Variants in TLL1 observed in about 807,000 individuals in gnomAD.
The protein encoded by TLL1 is tolloid-like protein 1.
TLL1 carries 49 observed loss-of-function variants against 128.2 expected under a neutral mutation model. That is an observed-to-expected ratio of 0.38 (90% CI 0.30 to 0.48). The LOEUF (loss-of-function observed/expected upper bound fraction) is 0.48. TLL1 is among the 20% of genes least tolerant of loss of function. The probability of loss-of-function intolerance (pLI) is 0.96; values close to 1 mark genes in which losing one functional copy is unlikely to be tolerated. For synonymous variants in TLL1, 454 were observed against 418.8 expected (o/e 1.08, Z -1.03); for missense variants, 1,123 against 1,242.0 (o/e 0.90, Z 1.44).
chr4:165,930,955 C>T (rs1579502031), intron 1 of TLL1, among the ~76,000 whole-genome samples: 1 of 152,120 alleles, frequency 6.6e-6, no homozygotes, highest in Admixed American at 6.5e-5. Context: ...ATAACAATAA[C>T]AATAGCAAAT....
intron 12 of TLL1, among the ~76,000 whole-genome samples, chr4:166,048,147 A>T (rs1739543353): frequency 6.6e-6 from 1 of 151,606 alleles, no homozygotes; most frequent in Non-Finnish European, 1.5e-5. Flanking sequence ...GAGGCAGGAG[A>T]ATCGCTTGAA....
intron 1 of TLL1, among the ~76,000 whole-genome samples, chr4:165,909,875 T>C (rs1002302564): frequency 3.0e-4 from 45 of 152,164 alleles, no homozygotes; most frequent in African/African-American, 9.9e-4. Context: ...GTGAGAGGGT[T>C]ACATGTAGTT....
In TLL1 at chr4:166,008,094, C is replaced by T. The variant is rs773856449; in HGVS notation, c.917+46C>T. 8.7e-6 allele frequency: 12 copies of T among 1,378,030 alleles called. No individual in the cohort carries two copies. The East Asian group carries it at 2.3e-4, about 27-fold the overall frequency. The allele number at this position is 1,378,030 out of a possible 1,614,324, so 85.4% of individuals were successfully genotyped here. A position where few individuals can be genotyped will look rare whatever the true frequency, so the allele number is the denominator to read the frequency against. On this transcript the variant is annotated intron_variant, in intron 7 of 20. Coordinates refer to ENST00000061240, the MANE Select transcript of TLL1 (RefSeq NM_012464.5). ...CTTTTGACTTTTAATTCCTTTCCTC[C>T]ATGTGGCTCCTCACAAAGCTATGCC...
intron 1 of TLL1, among the ~76,000 whole-genome samples, chr4:165,888,989 C>T (rs1731278107): frequency 6.6e-6 from 1 of 152,182 alleles, no homozygotes; most frequent in Non-Finnish European, 1.5e-5. Flanking sequence ...CTCTGCTTAT[C>T]TCTCTGGATT....
Position 166,065,743 on chromosome 4 carries a change from G to T in TLL1, c.2068G>T (p.Gly690Cys). Residue 690 changes from glycine to cysteine, a missense_variant, in exon 16 of 21, where the codon GGC becomes TGC. Gly to Cys is a radical substitution (Grantham distance 159). This residue lies in a region of TLL1 where 634 missense variants were observed against 672.4 expected (regional missense o/e 0.94). Coordinates refer to ENST00000061240, the MANE Select transcript of TLL1 (RefSeq NM_012464.5). ...SGLSSESKLH[G>C]KFCGAEVPEV... Reference sequence around the variant, plus strand: ...TCTTTCCTCTGAGTCTAAACTGCATGGCAAATTCTGTGGCGCTGAAGTGCC... The same window carrying T: ...TCTTTCCTCTGAGTCTAAACTGCATTGCAAATTCTGTGGCGCTGAAGTGCC... 2 of 1,613,044 alleles carry T rather than the reference G, an allele frequency of 1.2e-6. No individual in the cohort carries two copies. The highest frequency in any genetic ancestry group is 4.5e-5 in the East Asian group (2 of 44,804).
At chr4:166,003,037 C>T (rs1157394000) in intron 5 of TLL1, among the ~76,000 whole-genome samples, 1 of 152,110 alleles carries the variant, frequency 6.6e-6, no homozygotes, top group Admixed American at 6.5e-5. Flanking sequence ...TTGATGGCTT[C>T]AGCTTAACTA....
At position 165,994,362 on chromosome 4, in the gene TLL1, G is replaced by A. The variant is rs1189346083; in HGVS notation, c.362-19G>A. On this transcript the variant is annotated intron_variant, in intron 3 of 20. Transcript: ENST00000061240. ...ACCAAGAACTTCTGTTTCACAGAAT[G>A]TTTTAAATGTCACTGCAGGCTTGGA... 2 of 1,613,878 alleles carry A rather than the reference G, an allele frequency of 1.2e-6. No individual in the cohort carries two copies. The highest frequency in any genetic ancestry group is 1.7e-6 in the Non-Finnish European group (2 of 1,179,834).
chr4:166,008,257 A>T (rs897593425), intron 7 of TLL1, among the ~76,000 whole-genome samples: 1 of 151,598 alleles, frequency 6.6e-6, no homozygotes, highest in African/African-American at 2.4e-5. Flanking sequence ...TCTACCAAAT[A>T]TATGAATTTA....
At chr4:165,911,903 T>C (rs1027123311) in intron 1 of TLL1, among the ~76,000 whole-genome samples, 10 of 152,050 alleles carry the variant, frequency 6.6e-5, no homozygotes, top group African/African-American at 2.4e-4. Flanking sequence ...TGAGACAGAG[T>C]CTCGCTCTGT....
rs567402402 is a variant in TLL1 at position 165,969,020 on chromosome 4, G to A, written c.170-20361G>A. Among the ~76,000 whole-genome samples, 51 of 152,250 alleles carry A rather than the reference G, an allele frequency of 3.3e-4. 3 individuals are homozygous for A. In the South Asian group the frequency reaches 8.9e-3, roughly 27 times the overall value. On this transcript the variant is annotated intron_variant, in intron 1 of 20. Transcript: ENST00000061240. ...TGAATTTCACATTGAGATGCTTTGC[G>A]TTTAGCAAAACCCAAAACGTATTTT... is the stretch of plus-strand genomic sequence containing the variant.
At chr4:165,949,785 T>C (rs1734423351) in intron 1 of TLL1, among the ~76,000 whole-genome samples, 1 of 152,060 alleles carries the variant, frequency 6.6e-6, no homozygotes, top group African/African-American at 2.4e-5. Flanking sequence ...TCCCACCGGG[T>C]CCCTCCCACA....
intron 9 of TLL1, among the ~76,000 whole-genome samples, chr4:166,028,186 G>GT (rs1738595403): frequency 1.3e-5 from 2 of 151,958 alleles, no homozygotes; most frequent in African/African-American, 4.8e-5. Flanking sequence ...ACTGAAGGCT[G>GT]TAATTTTCCC....
intron 1 of TLL1, among the ~76,000 whole-genome samples, chr4:165,985,314 G>GT (rs1223021132): frequency 2.0e-5 from 3 of 151,968 alleles, no homozygotes; most frequent in African/African-American, 7.2e-5. Flanking sequence ...TTTCTTGTCA[G>GT]TGTGCTCTCG....
At chr4:165,896,479 C>CTTTTTTTTTTTTT (rs70955648) in intron 1 of TLL1, among the ~76,000 whole-genome samples, 2 of 102,162 alleles carry the variant, frequency 2.0e-5, no homozygotes, top group African/African-American at 3.6e-5. Context: ...AATGGTATTT[C>CTTTTTTTTTTTTT]TTTTTTTTTT....
intron 12 of TLL1, among the ~76,000 whole-genome samples, chr4:166,047,356 G>T (rs1015650065): frequency 6.6e-6 from 1 of 151,386 alleles, no homozygotes; most frequent in African/African-American, 2.4e-5. Context: ...AGTAGAGACA[G>T]GGTTTCACCA....
At chr4:166,083,249 T>C (rs1196105781) in intron 18 of TLL1, among the ~76,000 whole-genome samples, 1 of 70,228 alleles carries the variant, frequency 1.4e-5, no homozygotes, top group Admixed American at 2.3e-4. Flanking sequence ...TTTTTTCTTT[T>C]TTAAATTTAT....
chr4:166,050,402 G>C (rs565967285), intron 12 of TLL1, among the ~76,000 whole-genome samples: 9 of 152,112 alleles, frequency 5.9e-5, no homozygotes, highest in Admixed American at 1.3e-4. Flanking sequence ...TGCTATGAAC[G>C]TAAGTATGCA....
chr4:166,018,918 C>A (rs1167755475), intron 8 of TLL1, among the ~76,000 whole-genome samples: 1 of 152,172 alleles, frequency 6.6e-6, no homozygotes, highest in African/African-American at 2.4e-5. Context: ...GAACTTAAAA[C>A]AGAACTACTA....
chr4:165,936,832 CTGAAGCAGGAGA>C (rs1276336522), intron 1 of TLL1, among the ~76,000 whole-genome samples: 2 of 152,072 alleles, frequency 1.3e-5, no homozygotes, highest in Middle Eastern at 3.2e-3. Context: ...ACTCGGGAGG[CTGAAGCAGGAGA>C]ATAGCTTGAA....
Sources: allele counts gnomAD v4.1 joint callset (sites outside exome capture counted in the v4.1 genomes callset), GRCh38; gene constraint gnomAD v4.1.1; regional missense constraint gnomAD v4.1.1; transcripts MANE v1.5; gene names NCBI Gene and HGNC (gene_info 2026-07-23, HGNC 2026-07-21).